Variants in THSD4 observed in about 807,000 individuals in gnomAD.
The protein encoded by THSD4 is thrombospondin type-1 domain-containing protein 4.
A neutral mutation model predicts 119.0 loss-of-function variants in THSD4; 69 were observed. That is an observed-to-expected ratio of 0.58 (90% CI 0.48 to 0.71). The LOEUF (loss-of-function observed/expected upper bound fraction) is 0.71. THSD4 is among the 30% of genes least tolerant of loss of function. The probability of loss-of-function intolerance (pLI) is 0.00; values close to 1 mark genes in which losing one functional copy is unlikely to be tolerated. For synonymous variants in THSD4, 524 were observed against 540.4 expected (o/e 0.97, Z 0.42); for missense variants, 1,393 against 1,391.1 (o/e 1.00, Z -0.02).
At chr15:71,653,280 A>G (rs1001895698) in intron 7 of THSD4, among the ~76,000 whole-genome samples, 1 of 152,224 alleles carries the variant, frequency 6.6e-6, no homozygotes, top group African/African-American at 2.4e-5. Flanking sequence ...TTCTTTGCTT[A>G]TTAGCTTCTC....
intron 16 of THSD4, chr15:71,767,558 G>A (rs1020119010): frequency 1.3e-5 from 2 of 152,188 alleles, no homozygotes; most frequent in Non-Finnish European, 2.9e-5. Context: ...ATATCCTTGA[G>A]AAGTAGGATG....
intron 7 of THSD4, among the ~76,000 whole-genome samples, chr15:71,422,751 C>T (rs2140518299): frequency 6.6e-6 from 1 of 152,324 alleles, no homozygotes; most frequent in African/African-American, 2.4e-5. Context: ...CAAAGCCAGC[C>T]AGGCTTGTGT....
chr15:71,755,574 A>G (rs189092445), intron 14 of THSD4, among the ~76,000 whole-genome samples: 164 of 152,262 alleles, frequency 1.1e-3, no homozygotes, highest in African/African-American at 3.7e-3. Context: ...GATAAGAGAA[A>G]TGAACAAGGC....
intron 6 of THSD4, among the ~76,000 whole-genome samples, chr15:71,294,310 A>C (rs2044832236): frequency 6.6e-6 from 1 of 152,168 alleles, no homozygotes; most frequent in South Asian, 2.1e-4. Flanking sequence ...GTCCCTGTGA[A>C]TGACACCCAC....
intron 7 of THSD4, among the ~76,000 whole-genome samples, chr15:71,473,256 T>C (rs2047609194): frequency 6.6e-6 from 1 of 152,042 alleles, no homozygotes; most frequent in Non-Finnish European, 1.5e-5. Flanking sequence ...TAGGGTTTTG[T>C]TATGTTGCCC....
intron 7 of THSD4, among the ~76,000 whole-genome samples, chr15:71,473,454 A>G (rs772103193): frequency 1.4e-4 from 22 of 152,202 alleles, no homozygotes; most frequent in Non-Finnish European, 2.6e-4. Context: ...AACCCTGAGC[A>G]CGGAATTACT....
chr15:71,264,718 G>A (rs139220787), intron 6 of THSD4, among the ~76,000 whole-genome samples: 33 of 152,270 alleles, frequency 2.2e-4, no homozygotes, highest in African/African-American at 7.9e-4. Context: ...GAGCTTTGGA[G>A]TATGTTACAT....
rs745724791 is a variant in THSD4 at position 71,748,546 on chromosome 15, C to A, written c.2367C>A (p.Asp789Glu). Residue 789 changes from aspartate to glutamate, a missense_variant, in exon 14 of 18, where the codon GAC becomes GAA. Transcript: ENST00000261862. ...GGCCGAATGACATTGAGAACTGCGA[C>A]ATGGGACCCTGTGCCAAGAGCTGGT... ...KLRPNDIENC[D>E]MGPCAKSWFL... 1.2e-6 allele frequency: 2 copies of A among 1,614,110 alleles called. No individual in the cohort carries two copies. The highest frequency in any genetic ancestry group is 1.7e-6 in the Non-Finnish European group (2 of 1,180,056).
chr15:71,487,153 G>C (rs1431586050), intron 7 of THSD4, among the ~76,000 whole-genome samples: 1 of 152,160 alleles, frequency 6.6e-6, no homozygotes, highest in Non-Finnish European at 1.5e-5. Flanking sequence ...TTCTGACCTT[G>C]CATTTCCTCG....
intron 2 of THSD4, among the ~76,000 whole-genome samples, chr15:71,146,607 C>T (rs1484681891): frequency 1.3e-5 from 2 of 152,092 alleles, no homozygotes; most frequent in Non-Finnish European, 2.9e-5. Context: ...AAAGCAATAG[C>T]AACTGGCATA....
At chr15:71,748,674 C>T (rs1016958424) in intron 14 of THSD4, 80 bp downstream of exon 14, 8 of 1,513,716 alleles carry the variant, frequency 5.3e-6, no homozygotes, top group African/African-American at 1.4e-5. Context: ...GAGTCACTAG[C>T]TCAGAATCCC....
intron 3 of THSD4, among the ~76,000 whole-genome samples, chr15:71,214,389 G>C (rs907477242): frequency 6.6e-6 from 1 of 152,222 alleles, no homozygotes; most frequent in Non-Finnish European, 1.5e-5. Context: ...TGCTACCTTT[G>C]TGAGCTGTAA....
At chr15:71,609,867 A>AAT (rs60846977) in intron 7 of THSD4, among the ~76,000 whole-genome samples, 2 of 149,300 alleles carry the variant, frequency 1.3e-5, no homozygotes, top group Non-Finnish European at 3.0e-5. Context: ...AAAAAAAAAA[A>AAT]GAAAAAAAGA....
chr15:71,111,981 A>C, upstream of THSD4: 1 of 847,680 alleles, frequency 1.2e-6, no homozygotes. Flanking sequence ...ATAAGTAAGA[A>C]AACTGTGTTC....
chr15:71,259,529 A>G lies in THSD4; in HGVS notation c.1015+2814A>G, dbSNP rs1354058329. ...AGCAGATGCCTTAGAGAAGTGAGGCATGTATCCAAAGTGAGCAACTGCCTC... is the reference window on the plus strand; with the variant it reads ...AGCAGATGCCTTAGAGAAGTGAGGCGTGTATCCAAAGTGAGCAACTGCCTC... On this transcript the variant is annotated intron_variant, in intron 6 of 17. Coordinates refer to ENST00000261862, the MANE Select transcript of THSD4 (RefSeq NM_024817.3). Among the ~76,000 whole-genome samples, 4 of 152,202 alleles carry G rather than the reference A, an allele frequency of 2.6e-5. No homozygotes were observed. In the East Asian group the frequency reaches 7.7e-4, roughly 29 times the overall value.
chr15:71,194,845 A>G (rs888728878), intron 3 of THSD4, among the ~76,000 whole-genome samples: 2 of 152,142 alleles, frequency 1.3e-5, no homozygotes, highest in Non-Finnish European at 2.9e-5. Context: ...AGGAATGAAA[A>G]CTACACATAG....
chr15:71,560,328 ATG>A (rs567592963), intron 7 of THSD4, among the ~76,000 whole-genome samples: 191 of 152,328 alleles, frequency 1.3e-3, no homozygotes, highest in African/African-American at 4.3e-3. Flanking sequence ...TTCAACAACC[ATG>A]TATTGAGTGC....
At chr15:71,323,877 A>G (rs1003293233) in intron 6 of THSD4, among the ~76,000 whole-genome samples, 11 of 152,178 alleles carry the variant, frequency 7.2e-5, no homozygotes, top group African/African-American at 2.7e-4. Flanking sequence ...TATGGTTTCC[A>G]TGTTTTCCAG....
chr15:71,765,314 C>A, intron 16 of THSD4, 115 bp downstream of exon 16: 2 of 1,274,768 alleles, frequency 1.6e-6, no homozygotes, highest in Non-Finnish European at 1.1e-6. Context: ...TTCCCTACAG[C>A]AATCTACCTT....
Sources: allele counts gnomAD v4.1 joint callset (sites outside exome capture counted in the v4.1 genomes callset), GRCh38; gene constraint gnomAD v4.1.1; transcripts MANE v1.5; gene names NCBI Gene and HGNC (gene_info 2026-07-23, HGNC 2026-07-21).